Variants in ZFAND6 observed in about 807,000 individuals in gnomAD.
ZFAND6 encodes AN1-type zinc finger protein 6.
A neutral mutation model predicts 24.5 loss-of-function variants in ZFAND6; 12 were observed. The observed-to-expected ratio is 0.49, with a 90% confidence interval of 0.31 to 0.79. ZFAND6 has a LOEUF of 0.79. Among genes scored for constraint, ZFAND6 ranks in the 30% least tolerant of loss-of-function variants. ZFAND6 has a pLI of 0.04. For missense variants in ZFAND6, 207 were observed against 245.9 expected (o/e 0.84, Z 1.06); for synonymous variants, 92 against 81.5 (o/e 1.13, Z -0.69).
chr15:80,080,612 A>G (rs1163884083), intron 1 of ZFAND6, among the ~76,000 whole-genome samples: 2 of 152,316 alleles, frequency 1.3e-5, no homozygotes, highest in Admixed American at 1.3e-4. Flanking sequence ...CGACAATGAA[A>G]TCTTGGATGT....
intron 1 of ZFAND6, among the ~76,000 whole-genome samples, chr15:80,074,610 A>G (rs2037161157): frequency 6.6e-6 from 1 of 151,898 alleles, no homozygotes; most frequent in African/African-American, 2.4e-5. Context: ...TTTATGAATA[A>G]TTACAGGCTT....
chr15:80,091,025 C>T (rs2038328001), intron 1 of ZFAND6, among the ~76,000 whole-genome samples: 1 of 152,092 alleles, frequency 6.6e-6, no homozygotes, highest in Admixed American at 6.6e-5. Flanking sequence ...ATCACACATC[C>T]TAGGTTTTGA....
At chr15:80,112,134 C>T (rs925488313) in intron 2 of ZFAND6, among the ~76,000 whole-genome samples, 1 of 152,068 alleles carries the variant, frequency 6.6e-6, no homozygotes, top group Non-Finnish European at 1.5e-5. Context: ...GTGGCACATG[C>T]CTGTATTCCC....
intron 1 of ZFAND6, chr15:80,060,630 T>G (rs1428697021): frequency 6.6e-6 from 1 of 152,196 alleles, no homozygotes; most frequent in African/African-American, 2.4e-5. Flanking sequence ...CCATAAAAAC[T>G]GGGCAGAATT....
intron 2 of ZFAND6, among the ~76,000 whole-genome samples, chr15:80,108,416 G>T (rs2039446330): frequency 6.6e-6 from 1 of 152,134 alleles, no homozygotes; most frequent in African/African-American, 2.4e-5. Context: ...ATCAATCTGT[G>T]GTAATCGTGA....
chr15:80,070,589 A>G (rs572306036), intron 1 of ZFAND6, among the ~76,000 whole-genome samples: 1 of 152,332 alleles, frequency 6.6e-6, no homozygotes, highest in East Asian at 1.9e-4. Flanking sequence ...AGATCTTAAA[A>G]TGATCCGGAA....
At chr15:80,115,995 T>C (rs1401899328) in intron 2 of ZFAND6, among the ~76,000 whole-genome samples, 3 of 152,138 alleles carry the variant, frequency 2.0e-5, no homozygotes, top group African/African-American at 7.2e-5. Context: ...TCTTACACTT[T>C]AATGTTGTTA....
chr15:80,074,382 C>T (rs984876050), intron 1 of ZFAND6, among the ~76,000 whole-genome samples: 7 of 151,710 alleles, frequency 4.6e-5, no homozygotes, highest in Admixed American at 6.6e-5. Flanking sequence ...TTTTCTTTTT[C>T]TTCTGGTAAG....
intron 5 of ZFAND6, 38 bp from the exon 6 acceptor site, chr15:80,131,142 A>C: frequency 6.7e-7 from 1 of 1,481,494 alleles, no homozygotes; most frequent in South Asian, 1.4e-5. Context: ...AAAATCTTAC[A>C]GAATAATTAA....
chr15:80,083,703 C>T (rs1596222552), intron 1 of ZFAND6, among the ~76,000 whole-genome samples: 1 of 152,094 alleles, frequency 6.6e-6, no homozygotes, highest in South Asian at 2.1e-4. Context: ...CTAGCCTGGC[C>T]AACGTGGTGA....
In ZFAND6 at chr15:80,122,753, A is replaced by G; in HGVS notation, c.317A>G (p.Asp106Gly). 1 of 1,613,754 alleles carries G rather than the reference A, an allele frequency of 6.2e-7. No individual in the cohort carries two copies. Among genetic ancestry groups the G allele is most frequent in the Non-Finnish European group, 8.5e-7 (1 of 1,179,818 alleles). ...LSESVASSQL[D>G]STSVDKAVPE... is the part of the protein sequence containing the mutation. ...GAATCTGTAGCATCTTCTCAATTGG[A>G]CAGTACATCTGTGGACAAAGCAGTA... Residue 106 changes from aspartate to glycine, a missense_variant, in exon 5 of 7, where the codon GAC (aspartate) becomes GGC (glycine). By Grantham distance (94) the Asp-to-Gly change is moderately conservative. This residue lies in a region of ZFAND6 where 133 missense variants were observed against 122.8 expected (regional missense o/e 1.08). Coordinates refer to ENST00000261749, the MANE Select transcript of ZFAND6 (RefSeq NM_019006.4).
intron 2 of ZFAND6, among the ~76,000 whole-genome samples, chr15:80,110,202 C>CT (rs2039537881): frequency 6.6e-6 from 1 of 152,160 alleles, no homozygotes; most frequent in Admixed American, 6.5e-5. Context: ...CAGACCAACA[C>CT]TGATAAAATG....
chr15:80,072,623 A>G (rs1204865863), intron 1 of ZFAND6: 1 of 152,098 alleles, frequency 6.6e-6, no homozygotes. Context: ...GGTGAAGCAA[A>G]CAGAAAATTG....
At chr15:80,132,437 CAA>C (rs984081944) in intron 6 of ZFAND6, among the ~76,000 whole-genome samples, 4 of 152,058 alleles carry the variant, frequency 2.6e-5, no homozygotes, top group African/African-American at 9.7e-5. Context: ...CATTCATAGT[CAA>C]GAGAAATGTA....
rs995552543 is a variant in ZFAND6 at position 80,091,609 on chromosome 15, G to A, written c.-180-6807G>A. On this transcript the variant is annotated intron_variant, in intron 1 of 6. Coordinates refer to ENST00000261749, the MANE Select transcript of ZFAND6 (RefSeq NM_019006.4). Reference sequence around the variant, plus strand: ...TTGCTCTTCTTCATCTCTAATAACAGATACAAATTTTTAATATATTTACTA... The same window carrying A: ...TTGCTCTTCTTCATCTCTAATAACAAATACAAATTTTTAATATATTTACTA... Among the ~76,000 whole-genome samples, 6 of 151,096 alleles carry A rather than the reference G, an allele frequency of 4.0e-5. No homozygotes were observed. The East Asian group carries it at 1.2e-3, about 29-fold the overall frequency.
chr15:80,066,115 T>G (rs1408663973), intron 1 of ZFAND6, among the ~76,000 whole-genome samples: 2 of 152,176 alleles, frequency 1.3e-5, no homozygotes, highest in Non-Finnish European at 1.5e-5. Flanking sequence ...TCTCTTGCCT[T>G]CATCCAGTTA....
intron 1 of ZFAND6, among the ~76,000 whole-genome samples, chr15:80,062,241 G>A (rs1373612243): frequency 6.6e-6 from 1 of 152,130 alleles, no homozygotes. Context: ...CTTTTGCACA[G>A]ACTTTAATTA....
At chr15:80,117,383 T>C (rs2039927552) in intron 2 of ZFAND6, among the ~76,000 whole-genome samples, 1 of 152,136 alleles carries the variant, frequency 6.6e-6, no homozygotes, top group South Asian at 2.1e-4. Context: ...CCGCTATGCC[T>C]GGCTGATTTT....
chr15:80,070,277 C>T (rs1411304133), intron 1 of ZFAND6, among the ~76,000 whole-genome samples: 1 of 152,156 alleles, frequency 6.6e-6, no homozygotes, highest in East Asian at 1.9e-4. Flanking sequence ...ATTTGGGAAA[C>T]TTTCTGGGCT....
Sources: gnomAD v4.1 joint callset for allele counts (sites outside exome capture counted in the v4.1 genomes callset) on GRCh38, gnomAD v4.1.1 for gene constraint, gnomAD v4.1.1 regional missense constraint, MANE v1.5 for transcripts, NCBI Gene and HGNC (gene_info 2026-07-23, HGNC 2026-07-21) for gene names.